The following WDFY4 variants were observed in gnomAD, a reference collection of about 807,000 sequenced individuals.
WDFY4 encodes the protein WD repeat- and FYVE domain-containing protein 4.
WDFY4 carries 169 observed loss-of-function variants against 351.9 expected under a neutral mutation model. That is an observed-to-expected ratio of 0.48 (90% CI 0.42 to 0.55). The LOEUF (loss-of-function observed/expected upper bound fraction) is 0.55, where lower values mean the gene tolerates loss of function less well. Among genes scored for constraint, WDFY4 ranks in the 20% least tolerant of loss-of-function variants. The pLI is 0.00. For missense variants in WDFY4, 3,803 were observed against 3,935.6 expected, an observed-to-expected ratio of 0.97 and a Z score of 0.90; for synonymous variants, 1,622 against 1,574.6, an observed-to-expected ratio of 1.03 and a Z score of -0.71.
intron 31 of WDFY4, among the ~76,000 whole-genome samples, 157 bp from the exon 32 acceptor site, chr10:48,817,088 A>G (rs946323396): frequency 3.3e-5 from 5 of 152,250 alleles, no homozygotes; most frequent in Non-Finnish European, 5.9e-5. Context: ...CCCTTCCTCA[A>G]TTGGACACTA....
intron 55 of WDFY4, 168 bp downstream of exon 55, chr10:48,966,841 G>A: frequency 1.0e-6 from 1 of 968,998 alleles, no homozygotes; most frequent in Non-Finnish European, 1.5e-6. Flanking sequence ...GTCATCTCTG[G>A]GAAGTGTCTA....
intron 50 of WDFY4, among the ~76,000 whole-genome samples, chr10:48,946,526 A>G (rs888194252): frequency 3.3e-5 from 5 of 152,244 alleles, no homozygotes; most frequent in African/African-American, 4.8e-5. Context: ...CTGTGTTTGT[A>G]TATTACAGTG....
chr10:48,965,933 G>C lies in WDFY4; in HGVS notation c.8437-593G>C, dbSNP rs547348989. 4.9e-4 allele frequency among the ~76,000 whole-genome samples: 74 copies of C among 152,272 alleles called. 1 individual carries two copies. The highest frequency in any genetic ancestry group is 2.1e-3 in the Admixed American group (32 of 15,292). On this transcript the variant is annotated intron_variant, in intron 54 of 61. Coordinates refer to ENST00000325239, the MANE Select transcript of WDFY4 (RefSeq NM_001394531.1). ...CAGCAAGGACTCAACCAGGCAGCAT[G>C]GCTCATGCTCAGGGCTTGGCTTGGT...
intron 47 of WDFY4, among the ~76,000 whole-genome samples, chr10:48,930,585 G>A (rs1470925135): frequency 6.6e-6 from 1 of 152,136 alleles, no homozygotes; most frequent in Non-Finnish European, 1.5e-5. Flanking sequence ...GGTGGGACTA[G>A]GCTATGGAGA....
chr10:48,690,028 G>C (rs2063154176), intron 1 of WDFY4, among the ~76,000 whole-genome samples: 1 of 152,246 alleles, frequency 6.6e-6, no homozygotes, highest in East Asian at 1.9e-4. Flanking sequence ...AAGGGCTGAA[G>C]AAGCTACACT....
chr10:48,910,297 A>G (rs748791220), intron 47 of WDFY4: 3 of 1,595,412 alleles, frequency 1.9e-6, no homozygotes, highest in Admixed American at 1.7e-5. Flanking sequence ...CAATTGCTCC[A>G]GGCCACAGAG....
intron 13 of WDFY4, among the ~76,000 whole-genome samples, chr10:48,762,944 T>A (rs547393160): frequency 6.6e-6 from 1 of 152,200 alleles, no homozygotes; most frequent in African/African-American, 2.4e-5. Flanking sequence ...GACAGGTGTG[T>A]GTAGGTGAGA....
At chr10:48,911,918 G>A (rs1451853930) in intron 47 of WDFY4, among the ~76,000 whole-genome samples, 2 of 152,198 alleles carry the variant, frequency 1.3e-5, no homozygotes, top group African/African-American at 4.8e-5. Flanking sequence ...AGCAAGGGGT[G>A]AAGAAATGAA....
chr10:48,790,963 T>C, intron 23 of WDFY4, 46 bp downstream of exon 23: 2 of 1,544,708 alleles, frequency 1.3e-6, no homozygotes, highest in Non-Finnish European at 1.8e-6. Flanking sequence ...GAAAGGGCTG[T>C]CATCCCTGGG....
intron 1 of WDFY4, among the ~76,000 whole-genome samples, chr10:48,701,120 A>T (rs7924148): frequency 0.59 from 90,265 of 151,922 alleles, 26,916 homozygotes; most frequent in East Asian, 0.71. Flanking sequence ...ACCACCATTC[A>T]CCTTTCTGGC....
At position 48,927,377 on chromosome 10, in the gene WDFY4, G is replaced by T. The variant is rs573737064; in HGVS notation, c.7587-14429G>T. Among the ~76,000 whole-genome samples the T allele has an allele frequency of 3.3e-5, 5 of 152,266 alleles. No individual in the cohort carries two copies. In the East Asian group the frequency reaches 9.6e-4, roughly 29 times the overall value. ...ATATCCCTCCTATTGTGGGTGGTGG[G>T]GGGAGGGGAATATGTGTGAGAAGTT... is the stretch of plus-strand genomic sequence containing the variant. On this transcript the variant is annotated intron_variant, in intron 47 of 61. Coordinates refer to ENST00000325239, the MANE Select transcript of WDFY4 (RefSeq NM_001394531.1).
intron 43 of WDFY4, among the ~76,000 whole-genome samples, chr10:48,886,571 A>T (rs568976694): frequency 1.3e-5 from 2 of 152,320 alleles, no homozygotes; most frequent in South Asian, 4.1e-4. Context: ...GCTCACTTCC[A>T]GCTTCCGCCC....
chr10:48,925,092 C>T (rs544807025), intron 47 of WDFY4, among the ~76,000 whole-genome samples: 1 of 152,298 alleles, frequency 6.6e-6, no homozygotes, highest in South Asian at 2.1e-4. Flanking sequence ...TTTTACTTGT[C>T]GGTCATCTCT....
At chr10:48,707,447 C>T (rs2063660616) in intron 1 of WDFY4, among the ~76,000 whole-genome samples, 1 of 152,144 alleles carries the variant, frequency 6.6e-6, no homozygotes, top group Non-Finnish European at 1.5e-5. Context: ...CATGAAAGCC[C>T]AGTGAAGGGA....
At chr10:48,725,852 C>T (rs1370126521) in intron 5 of WDFY4, 29 bp from the exon 6 acceptor site, 1 of 1,526,960 alleles carries the variant, frequency 6.5e-7, no homozygotes, top group Non-Finnish European at 8.9e-7. Flanking sequence ...AACCAGGTCT[C>T]CTTGACTGTT....
chr10:48,873,074 C>T (rs1280488915), intron 40 of WDFY4, among the ~76,000 whole-genome samples: 3 of 152,144 alleles, frequency 2.0e-5, no homozygotes, highest in East Asian at 3.8e-4. Context: ...TCCCACTCCA[C>T]TCTAGTTCAG....
At position 48,690,777 on chromosome 10, in the gene WDFY4, C is replaced by T. The variant is rs201949029; in HGVS notation, c.-18+5776C>T. ...CATCCAGTCGTCTCTCCATCCTCTG[C>T]TCTGTTCTGGCTGAACCCAGGGTTT... On this transcript the variant is annotated intron_variant, in intron 1 of 61. Transcript: ENST00000325239. Among the ~76,000 whole-genome samples, 17 of 152,324 alleles carry T rather than the reference C, an allele frequency of 1.1e-4. No individual in the cohort carries two copies. In the East Asian group the frequency reaches 3.1e-3, roughly 28 times the overall value.
rs1332665044 is a variant in WDFY4, at chr10:48,946,876, G to T, written c.7884G>T (p.Gln2628His). ...VEKTEGDMTV[Q>H]CHYYTHYSSA... is the part of the protein sequence containing the mutation. ...TTGTTGCAGGAGACATGACTGTCCA[G>T]TGCCACTACTACACCCACTACTCCT... Residue 2628 changes from glutamine (Q) to histidine (H), a missense_variant, in exon 51 of 62, where the codon CAG (glutamine) becomes CAT (histidine). Gln to His is a conservative substitution (Grantham distance 24, BLOSUM62 0). Around this residue, in one of 3 missense-constraint regions of WDFY4, gnomAD observed 3,054 missense variants for 3,148.6 expected, o/e 0.97. Coordinates refer to ENST00000325239, the MANE Select transcript of WDFY4 (RefSeq NM_001394531.1). The T allele has an allele frequency of 1.3e-6, 2 of 1,551,858 alleles. No individual in the cohort carries two copies. The highest frequency in any genetic ancestry group is 1.4e-5 in the African/African-American group (1 of 72,990).
At chr10:48,960,496 G>A (rs1482327177) in intron 53 of WDFY4, among the ~76,000 whole-genome samples, 1 of 152,194 alleles carries the variant, frequency 6.6e-6, no homozygotes, top group East Asian at 1.9e-4. Context: ...CAACCACTTT[G>A]TACAAAAGCT....
Sources: allele counts gnomAD v4.1 joint callset (sites outside exome capture counted in the v4.1 genomes callset), GRCh38; gene constraint gnomAD v4.1.1; regional missense constraint gnomAD v4.1.1; transcripts MANE v1.5; gene names NCBI Gene and HGNC (gene_info 2026-07-23, HGNC 2026-07-21).